The following FTMT variants were observed in gnomAD, a reference collection of about 807,000 sequenced individuals.
The protein encoded by FTMT is ferritin mitochondrial.
In FTMT, 5 loss-of-function variants were observed where a neutral mutation model predicts 4.9. The ratio of observed to expected loss-of-function variants is 1.03; its 90% CI spans 0.54 to 2.16. The LOEUF is 2.16. Among genes scored for constraint, FTMT ranks in the 30% most tolerant of loss-of-function variants. The probability of loss-of-function intolerance (pLI) is 0.01; values close to 1 mark genes in which losing one functional copy is unlikely to be tolerated. For synonymous variants in FTMT, 174 were observed against 143.6 expected (o/e 1.21, Z -1.51); for missense variants, 393 against 323.0 (o/e 1.22, Z -1.66).
At position 121,851,902 on chromosome 5, in the gene FTMT, G is replaced by A; in HGVS notation, c.-62G>A. On this transcript the variant is annotated 5_prime_UTR_variant, in exon 1 of 1. Coordinates refer to ENST00000321339, the MANE Select transcript of FTMT (RefSeq NM_177478.2). The stretch of plus-strand genomic sequence containing the variant: ...GTTCTGATCAGATCTGACGCCTCCA[G>A]CGCCCGACCCCACGCCAAGAGGGCC... 6.7e-7 allele frequency: 1 copy of A among 1,502,918 alleles called. No homozygotes were observed. The highest frequency in any genetic ancestry group is 8.8e-7 in the Non-Finnish European group (1 of 1,136,222). 93.1% of individuals were successfully genotyped at this position (1,502,918 alleles called of 1,614,324 possible).
chr5:121,851,899 C>T lies in FTMT; in HGVS notation c.-65C>T, dbSNP rs1750050936. On this transcript the variant is annotated 5_prime_UTR_variant, in exon 1 of 1. Transcript: ENST00000321339. ...CACGTTCTGATCAGATCTGACGCCT[C>T]CAGCGCCCGACCCCACGCCAAGAGG... The T allele has an allele frequency of 6.7e-7, 1 of 1,498,048 alleles. No individual in the cohort carries two copies. The highest frequency in any genetic ancestry group is 8.8e-7 in the Non-Finnish European group (1 of 1,133,920). The allele number at this position is 1,498,048 out of a possible 1,614,324, so 92.8% of individuals were successfully genotyped here.
Position 121,851,930 on chromosome 5 carries a change from G to T in FTMT, c.-34G>T, listed in dbSNP as rs532635560. The T allele has an allele frequency of 6.5e-7, 1 of 1,550,198 alleles. No individual in the cohort carries two copies. The highest frequency in any genetic ancestry group is 8.6e-7 in the Non-Finnish European group (1 of 1,157,792). On this transcript the variant is annotated 5_prime_UTR_variant, in exon 1 of 1. Coordinates refer to ENST00000321339, the MANE Select transcript of FTMT (RefSeq NM_177478.2). Reference sequence around the variant, plus strand: ...CCCGACCCCACGCCAAGAGGGCCGGGCCTCAGTTTCCCCACTTCCAAGGAG... The same window carrying T: ...CCCGACCCCACGCCAAGAGGGCCGGTCCTCAGTTTCCCCACTTCCAAGGAG...
Position 121,852,345 on chromosome 5 carries a change from A to C in FTMT, c.382A>C (p.Lys128Gln), listed in dbSNP as rs779858198. ...QSREETEHAE[K>Q]LMRLQNQRGG... ...CCGGGAGGAGACCGAGCACGCGGAG[A>C]AGCTGATGAGGCTGCAGAACCAGCG... The change falls in exon 1 of 1, where the codon AAG becomes CAG. Residue 128 changes from lysine to glutamine, a missense_variant. Coordinates refer to ENST00000321339, the MANE Select transcript of FTMT (RefSeq NM_177478.2). 6.2e-7 allele frequency: 1 copy of C among 1,614,114 alleles called. No homozygotes were observed. The highest frequency in any genetic ancestry group is 8.5e-7 in the Non-Finnish European group (1 of 1,180,006).
chr5:121,851,970 T>A lies in FTMT; in HGVS notation c.7T>A (p.Ser3Thr). ML[S>T]CFRLLSRHIS... ...CTTCCAAGGAGGCGGCGCTATGCTG[T>A]CCTGCTTCAGGCTCCTCTCCAGGCA... The change falls in exon 1 of 1, where the codon TCC becomes ACC. Residue 3 changes from serine (S) to threonine (T), a missense_variant. Coordinates refer to ENST00000321339, the MANE Select transcript of FTMT (RefSeq NM_177478.2). 1 of 1,588,162 alleles carries A rather than the reference T, an allele frequency of 6.3e-7. No homozygotes were observed. The highest frequency in any genetic ancestry group is 8.5e-7 in the Non-Finnish European group (1 of 1,173,996).
chr5:121,851,910 C>T lies in FTMT; in HGVS notation c.-54C>T. On this transcript the variant is annotated 5_prime_UTR_variant, in exon 1 of 1. Transcript: ENST00000321339. ...CAGATCTGACGCCTCCAGCGCCCGACCCCACGCCAAGAGGGCCGGGCCTCA... is the reference window on the plus strand; with the variant it reads ...CAGATCTGACGCCTCCAGCGCCCGATCCCACGCCAAGAGGGCCGGGCCTCA... 3 of 1,518,184 alleles carry T rather than the reference C, an allele frequency of 2.0e-6. No individual in the cohort carries two copies. The highest frequency in any genetic ancestry group is 1.4e-5 in the African/African-American group (1 of 69,412). The allele number at this position is 1,518,184 out of a possible 1,614,324, so 94.0% of individuals were successfully genotyped here.
Position 121,852,013 on chromosome 5 carries a change from C to A in FTMT, c.50C>A (p.Ala17Glu), listed in dbSNP as rs570905707. 3.8e-6 allele frequency: 6 copies of A among 1,594,044 alleles called. No individual in the cohort carries two copies. The South Asian group carries it at 4.4e-5, about 12-fold the overall frequency. The change falls in exon 1 of 1, where the codon GCG becomes GAG. Residue 17 changes from alanine (A) to glutamate (E), a missense_variant. Ala to Glu is a moderately radical substitution (Grantham distance 107). Coordinates refer to ENST00000321339, the MANE Select transcript of FTMT (RefSeq NM_177478.2). Reference sequence around the variant, plus strand: ...TCCAGGCACATCAGCCCTTCGCTGGCGTCTCTGCGCCCGGTGCGCTGCTGC... The same window carrying A: ...TCCAGGCACATCAGCCCTTCGCTGGAGTCTCTGCGCCCGGTGCGCTGCTGC... ...LLSRHISPSL[A>E]SLRPVRCCFA...
At position 121,852,019 on chromosome 5, in the gene FTMT, T is replaced by C; in HGVS notation, c.56T>C (p.Leu19Pro). The change falls in exon 1 of 1, where the codon CTG (leucine) becomes CCG (proline). Residue 19 changes from leucine to proline, a missense_variant. Leu to Pro is a moderately conservative substitution (Grantham distance 98). Coordinates refer to ENST00000321339, the MANE Select transcript of FTMT (RefSeq NM_177478.2). ...CACATCAGCCCTTCGCTGGCGTCTC[T>C]GCGCCCGGTGCGCTGCTGCTTCGCG... ...SRHISPSLAS[L>P]RPVRCCFALP... 2 of 1,593,690 alleles carry C rather than the reference T, an allele frequency of 1.3e-6. No homozygotes were observed. The highest frequency in any genetic ancestry group is 1.7e-6 in the Non-Finnish European group (2 of 1,175,836).
Position 121,852,127 on chromosome 5 carries a change from C to G in FTMT, c.164C>G (p.Ser55Cys), listed in dbSNP as rs1344068950. The G allele has an allele frequency of 6.3e-7, 1 of 1,595,892 alleles. No homozygotes were observed. Among genetic ancestry groups the G allele is most frequent in the African/African-American group, 1.3e-5 (1 of 74,436 alleles). Residue 55 changes from serine (S) to cysteine (C), a missense_variant, in exon 1 of 1, where the codon TCC becomes TGC. Coordinates refer to ENST00000321339, the MANE Select transcript of FTMT (RefSeq NM_177478.2). ...CGCCCCCTGGCCGCAGCCGCCTCCT[C>G]CCGGGACCCTACCGGGCCCGCCGCC... Reference protein sequence around the residue: ...PRRPLAAAASSRDPTGPAAGP... With the variant: ...PRRPLAAAASCRDPTGPAAGP...
rs1459050293 is a variant in FTMT, at chr5:121,852,078, G to A, written c.115G>A (p.Asp39Asn). ...GCGTTGGGCCCCGGGGCGCCCCTTG[G>A]ACCCCAGGCAGATCGCCCCCCGCCG... ...PLRWAPGRPL[D>N]PRQIAPRRPL... The change falls in exon 1 of 1, where the codon GAC becomes AAC. Residue 39 changes from aspartate to asparagine, a missense_variant. Coordinates refer to ENST00000321339, the MANE Select transcript of FTMT (RefSeq NM_177478.2). 1.3e-6 allele frequency: 2 copies of A among 1,586,390 alleles called. No homozygotes were observed. Among genetic ancestry groups the A allele is most frequent in the East Asian group, 2.3e-5 (1 of 43,726 alleles).
rs199752019 is a variant in FTMT, at chr5:121,852,023, C to A, written c.60C>A (p.Arg20=). 4.3e-5 allele frequency: 68 copies of A among 1,594,026 alleles called. No individual in the cohort carries two copies. Among genetic ancestry groups the A allele is most frequent in the Admixed American group, 3.0e-4 (18 of 59,378 alleles). The change falls in exon 1 of 1, where the codon CGC becomes CGA. Residue 20 remains arginine (R), a synonymous_variant. Transcript: ENST00000321339. Reference sequence around the variant, plus strand: ...TCAGCCCTTCGCTGGCGTCTCTGCGCCCGGTGCGCTGCTGCTTCGCGCTCC... The same window carrying A: ...TCAGCCCTTCGCTGGCGTCTCTGCGACCGGTGCGCTGCTGCTTCGCGCTCC... The part of the protein sequence containing the change: ...RHISPSLASL[R]PVRCCFALPL...
rs1371040658 is a variant in FTMT at position 121,851,918 on chromosome 5, CAA to C, written c.-45_-44del. 1 of 1,531,008 alleles carries C rather than the reference CAA, an allele frequency of 6.5e-7. No homozygotes were observed. The highest frequency in any genetic ancestry group is 2.0e-5 in the Admixed American group (1 of 50,664). The allele number at this position is 1,531,008 out of a possible 1,614,324, so 94.8% of individuals were successfully genotyped here. The stretch of plus-strand genomic sequence containing the variant: ...ACGCCTCCAGCGCCCGACCCCACGC[CAA>C]GAGGGCCGGGCCTCAGTTTCCCCAC... On this transcript the variant is annotated 5_prime_UTR_variant, in exon 1 of 1. Transcript: ENST00000321339.
At position 121,851,993 on chromosome 5, in the gene FTMT, G is replaced by T; in HGVS notation, c.30G>T (p.Arg10Ser). Residue 10 changes from arginine (R) to serine (S), a missense_variant, in exon 1 of 1, where the codon AGG (arginine) becomes AGT (serine). By Grantham distance (110) the Arg-to-Ser change is moderately radical. Transcript: ENST00000321339. MLSCFRLLSRHISPSLASLR... is the reference protein window; with the variant it reads MLSCFRLLSSHISPSLASLR... ...TGTCCTGCTTCAGGCTCCTCTCCAG[G>T]CACATCAGCCCTTCGCTGGCGTCTC... is the stretch of plus-strand genomic sequence containing the variant. The T allele has an allele frequency of 6.3e-7, 1 of 1,593,440 alleles. No homozygotes were observed.
rs1222072712 is a variant in FTMT, at chr5:121,852,141, G to T, written c.178G>T (p.Gly60Trp). Residue 60 changes from glycine to tryptophan, a missense_variant, in exon 1 of 1, where the codon GGG becomes TGG. By Grantham distance (184) the Gly-to-Trp change is radical. Transcript: ENST00000321339. ...AAAASSRDPT[G>W]PAAGPSRVRQ... The stretch of plus-strand genomic sequence containing the variant: ...AGCCGCCTCCTCCCGGGACCCTACC[G>T]GGCCCGCCGCCGGCCCCTCTCGGGT... 3 of 1,600,804 alleles carry T rather than the reference G, an allele frequency of 1.9e-6. No individual in the cohort carries two copies.
rs751574460 is a variant in FTMT, at chr5:121,852,327, G to T, written c.364G>T (p.Glu122Ter). ...SRYFLHQSRE[E>*]TEHAEKLMRL... ...GTATTTCCTTCACCAGTCCCGGGAG[G>T]AGACCGAGCACGCGGAGAAGCTGAT... The change falls in exon 1 of 1, where the codon GAG (glutamate) becomes TAG (stop). Residue 122 changes from glutamate (E) to a stop codon, truncating the protein, a stop_gained. Transcript: ENST00000321339. LOFTEE classifies it high-confidence loss of function. 1 of 1,614,154 alleles carries T rather than the reference G, an allele frequency of 6.2e-7. No individual in the cohort carries two copies. Among genetic ancestry groups the T allele is most frequent in the African/African-American group, 1.3e-5 (1 of 75,044 alleles).
rs751584892 is a variant in FTMT at position 121,852,532 on chromosome 5, G to A, written c.569G>A (p.Cys190Tyr). The A allele has an allele frequency of 5.6e-6, 9 of 1,613,980 alleles. No individual in the cohort carries two copies. Among genetic ancestry groups the A allele is most frequent in the Non-Finnish European group, 7.6e-6 (9 of 1,180,024 alleles). ...TCAGATAAAGGTGACCCCCATTTGT[G>A]CGATTTCCTGGAAACCTACTACCTG... ...LASDKGDPHL[C>Y]DFLETYYLNE... Residue 190 changes from cysteine (C) to tyrosine (Y), a missense_variant, in exon 1 of 1, where the codon TGC becomes TAC. Cys to Tyr is a radical substitution (Grantham distance 194). Coordinates refer to ENST00000321339, the MANE Select transcript of FTMT (RefSeq NM_177478.2).
Position 121,852,369 on chromosome 5 carries a change from C to G in FTMT, c.406C>G (p.Arg136Gly). 6.2e-7 allele frequency: 1 copy of G among 1,614,140 alleles called. No homozygotes were observed. The highest frequency in any genetic ancestry group is 8.5e-7 in the Non-Finnish European group (1 of 1,180,032). The change falls in exon 1 of 1, where the codon CGA (arginine) becomes GGA (glycine). Residue 136 changes from arginine to glycine, a missense_variant. Arg to Gly is a moderately radical substitution (Grantham distance 125). Transcript: ENST00000321339. ...GAAGCTGATGAGGCTGCAGAACCAG[C>G]GAGGAGGCCGGATCCGCCTGCAGGA... is the stretch of plus-strand genomic sequence containing the variant. ...AEKLMRLQNQRGGRIRLQDIK... is the reference protein window; with the variant it reads ...AEKLMRLQNQGGGRIRLQDIK...
chr5:121,852,752 G>C lies in FTMT; in HGVS notation c.*60G>C. ...CAAAGACCAAAGTCAGCTGTCTCCT[G>C]CTTTCTTGCCCTTAAAATCACCTCC... is the stretch of plus-strand genomic sequence containing the variant. On this transcript the variant is annotated 3_prime_UTR_variant, in exon 1 of 1. Transcript: ENST00000321339. 1.3e-6 allele frequency: 2 copies of C among 1,538,278 alleles called. No homozygotes were observed. The highest frequency in any genetic ancestry group is 1.3e-5 in the South Asian group (1 of 78,960).
rs766545130 is a variant in FTMT, at chr5:121,852,492, T to C, written c.529T>C (p.Leu177=). Residue 177 remains leucine, a synonymous_variant, in exon 1 of 1, where the codon TTG becomes CTG. Coordinates refer to ENST00000321339, the MANE Select transcript of FTMT (RefSeq NM_177478.2). The part of the protein sequence containing the change: ...EKNVNQSLLE[L]HALASDKGDP... ...GAACGTGAACCAGTCGTTGCTGGAA[T>C]TGCACGCTCTAGCCTCAGATAAAGG... 14 of 1,613,798 alleles carry C rather than the reference T, an allele frequency of 8.7e-6. No individual in the cohort carries two copies. Among genetic ancestry groups the C allele is most frequent in the Non-Finnish European group, 5.1e-6 (6 of 1,180,018 alleles).
At position 121,852,292 on chromosome 5, in the gene FTMT, AC is replaced by A; in HGVS notation, c.330del (p.Phe111SerfsTer19). 1 of 1,614,048 alleles carries A rather than the reference AC, an allele frequency of 6.2e-7. No homozygotes were observed. Among genetic ancestry groups the A allele is most frequent in the East Asian group, 2.2e-5 (1 of 44,844 alleles). On this transcript the variant is annotated frameshift_variant, in exon 1 of 1. Coordinates refer to ENST00000321339, the MANE Select transcript of FTMT (RefSeq NM_177478.2). LOFTEE classifies it high-confidence loss of function. ...YFSRDDVALN[N>X]FSRYFLHQSR... ...TCCCGGGATGACGTGGCCTTGAACA[AC>A]TTCTCCAGGTATTTCCTTCACCAGT...
Sources: allele counts gnomAD v4.1 joint callset, GRCh38; gene constraint gnomAD v4.1.1; transcripts MANE v1.5; gene names NCBI Gene and HGNC (gene_info 2026-07-23, HGNC 2026-07-21).